QKI: variants seen among roughly 807,000 people sequenced by gnomAD.
QKI encodes KH domain-containing RNA-binding protein QKI.
A neutral mutation model predicts 39.0 loss-of-function variants in QKI; 10 were observed. The ratio of observed to expected loss-of-function variants is 0.26; its 90% CI spans 0.16 to 0.43. QKI has a LOEUF of 0.43. QKI is among the 20% of genes least tolerant of loss of function. The pLI, the probability that QKI is intolerant of heterozygous loss-of-function variation, is 1.00. For synonymous variants in QKI, 204 were observed against 155.4 expected, an observed-to-expected ratio of 1.31 and a Z score of -2.33; for missense variants, 218 against 428.0, an observed-to-expected ratio of 0.51 and a Z score of 4.33.
chr6:163,441,309 A>C (rs1054833228), intron 1 of QKI, among the ~76,000 whole-genome samples: 1 of 152,194 alleles, frequency 6.6e-6, no homozygotes, highest in Non-Finnish European at 1.5e-5. Flanking sequence ...AGCACTGTGC[A>C]TTTATATTAC....
chr6:163,478,321 A>G lies in QKI; in HGVS notation c.286-459A>G, dbSNP rs1204981041. Reference sequence around the variant, plus strand: ...TCTGAACAGTTGCTTTGGAGAAAGTATAATTTTTCTTAGGTAAATAAAAGA... The same window carrying G: ...TCTGAACAGTTGCTTTGGAGAAAGTGTAATTTTTCTTAGGTAAATAAAAGA... On this transcript the variant is annotated intron_variant, in intron 2 of 7. Transcript: ENST00000361752. 2.6e-5 allele frequency among the ~76,000 whole-genome samples: 4 copies of G among 152,336 alleles called. 1 individual carries two copies. Among genetic ancestry groups the G allele is most frequent in the Admixed American group, 6.5e-5 (1 of 15,296 alleles).
rs1783765135 is a variant in QKI at position 163,572,673 on chromosome 6, C to CCCCCCCCCG, written c.*1967_*1975dup. The CCCCCCCCCG allele has an allele frequency of 1.5e-5, 1 of 66,914 alleles. No individual in the cohort carries two copies. Among genetic ancestry groups the CCCCCCCCCG allele is most frequent in the African/African-American group, 5.9e-5 (1 of 16,926 alleles). The allele number at this position is 66,914 out of a possible 1,614,324, so 4.1% of individuals were successfully genotyped here. Reference sequence around the variant, plus strand: ...GGCAAATCTCAAGTGACAGTGGACCCCCCCCCCCGCCCAGCTTATCAACTC... The same window carrying CCCCCCCCCG: ...GGCAAATCTCAAGTGACAGTGGACCCCCCCCCCCGCCCCCCCCGCCCAGCTTATCAACTC... On this transcript the variant is annotated 3_prime_UTR_variant, in exon 8 of 8. Transcript: ENST00000361752.
chr6:163,418,871 C>A (rs1232834724), intron 1 of QKI, among the ~76,000 whole-genome samples: 1 of 152,014 alleles, frequency 6.6e-6, no homozygotes, highest in Non-Finnish European at 1.5e-5. Flanking sequence ...ACTTAACAAT[C>A]CTGTATTAGG....
intron 2 of QKI, among the ~76,000 whole-genome samples, chr6:163,473,327 C>T (rs1201592488): frequency 1.3e-5 from 2 of 152,086 alleles, no homozygotes; most frequent in Non-Finnish European, 1.5e-5. Flanking sequence ...TCATTCTCAC[C>T]ACTACGTTGT....
chr6:163,453,225 A>G (rs190271714), intron 1 of QKI, among the ~76,000 whole-genome samples: 45 of 151,796 alleles, frequency 3.0e-4, no homozygotes, highest in Non-Finnish European at 6.2e-4. Flanking sequence ...TCTTGCACTC[A>G]GGGTATAAAT....
intron 3 of QKI, among the ~76,000 whole-genome samples, chr6:163,524,714 G>T (rs1415362381): frequency 1.3e-5 from 2 of 152,052 alleles, no homozygotes; most frequent in Non-Finnish European, 2.9e-5. Context: ...TGATCTACCT[G>T]CCCCGGCCTC....
At chr6:163,465,291 A>G (rs571692511) in intron 2 of QKI, among the ~76,000 whole-genome samples, 3 of 152,266 alleles carry the variant, frequency 2.0e-5, no homozygotes, top group African/African-American at 7.2e-5. Flanking sequence ...TGCTACTTCC[A>G]TTAAATATGG....
chr6:163,540,921 A>G (rs1044470111), intron 4 of QKI, among the ~76,000 whole-genome samples: 2 of 151,816 alleles, frequency 1.3e-5, no homozygotes, highest in African/African-American at 2.4e-5. Flanking sequence ...AGTTTTATCA[A>G]TTTTATCAAC....
At chr6:163,567,123 A>G in intron 7 of QKI, 2 of 1,024,188 alleles carry the variant, frequency 2.0e-6, no homozygotes, top group Non-Finnish European at 2.3e-6. Flanking sequence ...GCTAAAATTT[A>G]CCTTTTAAAA....
chr6:163,563,950 G>T, intron 6 of QKI: 4 of 1,393,214 alleles, frequency 2.9e-6, no homozygotes, highest in Non-Finnish European at 3.7e-6. Context: ...GTTTGGTTGG[G>T]TAAATCTGTT....
Position 163,508,464 on chromosome 6 carries a change from A to G in QKI, c.403-26518A>G, listed in dbSNP as rs1779230800. ...TGCTCACTTCTTATCAGAACATGGT[A>G]GAGAGCCAGAAGAGAGTAAAATATC... On this transcript the variant is annotated intron_variant, in intron 3 of 7. Transcript: ENST00000361752. Among the ~76,000 whole-genome samples the G allele has an allele frequency of 2.6e-5, 4 of 152,156 alleles. No homozygotes were observed. In the South Asian group the frequency reaches 8.3e-4, roughly 32 times the overall value.
At chr6:163,512,990 G>C (rs1779575635) in intron 3 of QKI, among the ~76,000 whole-genome samples, 1 of 152,116 alleles carries the variant, frequency 6.6e-6, no homozygotes, top group South Asian at 2.1e-4. Context: ...CATGGTTTCA[G>C]TTACCTGTGG....
At chr6:163,452,813 C>T (rs1369112020) in intron 1 of QKI, among the ~76,000 whole-genome samples, 1 of 152,094 alleles carries the variant, frequency 6.6e-6, no homozygotes, top group African/African-American at 2.4e-5. Flanking sequence ...CTGAAATCTC[C>T]GCCTCCTGAG....
chr6:163,429,982 G>C (rs1035957717), intron 1 of QKI, among the ~76,000 whole-genome samples: 2 of 152,090 alleles, frequency 1.3e-5, no homozygotes, highest in Non-Finnish European at 2.9e-5. Flanking sequence ...GGTGTTTTTG[G>C]CTGAGGAGGC....
chr6:163,469,200 T>G lies in QKI; in HGVS notation c.286-9580T>G, dbSNP rs1489017522. On this transcript the variant is annotated intron_variant, in intron 2 of 7. Coordinates refer to ENST00000361752, the MANE Select transcript of QKI (RefSeq NM_006775.3). Reference sequence around the variant, plus strand: ...GCTGTGGTAGAAGCCCTTTTCTATGTAATCTTGATGTGGTTCCAGCCAAGG... The same window carrying G: ...GCTGTGGTAGAAGCCCTTTTCTATGGAATCTTGATGTGGTTCCAGCCAAGG... Among the ~76,000 whole-genome samples, 3 of 152,178 alleles carry G rather than the reference T, an allele frequency of 2.0e-5. No individual in the cohort carries two copies. In the South Asian group the frequency reaches 6.2e-4, roughly 32 times the overall value.
intron 1 of QKI, among the ~76,000 whole-genome samples, chr6:163,422,633 C>T (rs1788079242): frequency 6.6e-6 from 1 of 152,150 alleles, no homozygotes; most frequent in Non-Finnish European, 1.5e-5. Context: ...AAAGTGGCTC[C>T]ACATAATGGT....
chr6:163,564,893 GT>G (rs559469858), intron 6 of QKI: 2 of 1,367,582 alleles, frequency 1.5e-6, no homozygotes, highest in East Asian at 2.6e-5. Flanking sequence ...ATCTTTTAAG[GT>G]TTTTTTTCCC....
At chr6:163,554,264 G>A (rs1466669048) in intron 4 of QKI, among the ~76,000 whole-genome samples, 3 of 152,224 alleles carry the variant, frequency 2.0e-5, no homozygotes, top group South Asian at 2.1e-4. Flanking sequence ...TGAAAGGAGC[G>A]CACATGGGAA....
At chr6:163,556,485 A>G (rs1782620992) in intron 4 of QKI, among the ~76,000 whole-genome samples, 1 of 147,746 alleles carries the variant, frequency 6.8e-6, no homozygotes, top group South Asian at 2.2e-4. Flanking sequence ...CCTGGGCAAC[A>G]AAAGCAAAAT....
Sources: allele counts gnomAD v4.1 joint callset (sites outside exome capture counted in the v4.1 genomes callset), GRCh38; gene constraint gnomAD v4.1.1; transcripts MANE v1.5; gene names NCBI Gene and HGNC (gene_info 2026-07-23, HGNC 2026-07-21).